XKR4: variants seen among roughly 807,000 people sequenced by gnomAD.
The protein encoded by XKR4 is XK-related protein 4.
XKR4 carries 12 observed loss-of-function variants against 53.9 expected under a neutral mutation model. That is an observed-to-expected ratio of 0.22 (90% CI 0.14 to 0.36). The LOEUF is 0.36. XKR4 is among the 10% of genes least tolerant of loss of function. The probability of loss-of-function intolerance (pLI) is 1.00; values close to 1 mark genes in which losing one functional copy is unlikely to be tolerated. For synonymous variants in XKR4, 354 were observed against 362.4 expected (o/e 0.98, Z 0.26); for missense variants, 799 against 859.5 (o/e 0.93, Z 0.88).
At chr8:55,417,274 C>G (rs1032043972) in intron 2 of XKR4, among the ~76,000 whole-genome samples, 5 of 152,198 alleles carry the variant, frequency 3.3e-5, no homozygotes, top group Admixed American at 6.5e-5. Flanking sequence ...GCCTTACAGC[C>G]CATTCTGCAC....
At chr8:55,247,986 A>G (rs769695280) in intron 1 of XKR4, among the ~76,000 whole-genome samples, 1 of 148,984 alleles carries the variant, frequency 6.7e-6, no homozygotes, top group Admixed American at 6.7e-5. Context: ...CTCCTAAGTA[A>G]CTGGGACTAC....
chr8:55,472,325 A>T (rs1320577672), intron 2 of XKR4, among the ~76,000 whole-genome samples: 1 of 152,176 alleles, frequency 6.6e-6, no homozygotes, highest in Admixed American at 6.5e-5. Flanking sequence ...AATTCTCCAC[A>T]TGCTAGTTCC....
chr8:55,103,004 C>G lies in XKR4; in HGVS notation c.516C>G (p.Ser172Arg). 6.2e-7 allele frequency: 1 copy of G among 1,612,210 alleles called. No homozygotes were observed. Among genetic ancestry groups the G allele is most frequent in the Non-Finnish European group, 8.5e-7 (1 of 1,179,834 alleles). Residue 172 changes from serine to arginine, a missense_variant, in exon 1 of 3, where the codon AGC becomes AGG. Physicochemically the swap from Ser to Arg is moderately radical, Grantham distance 110. Coordinates refer to ENST00000327381, the MANE Select transcript of XKR4 (RefSeq NM_052898.2). ...FSFRWFVHDF[S>R]TEDSATAAAA... ...TCCGCTGGTTTGTGCACGATTTCAG[C>G]ACCGAGGACAGCGCCACGGCCGCTG...
chr8:55,170,788 A>G (rs986489568), intron 1 of XKR4, among the ~76,000 whole-genome samples: 4 of 152,174 alleles, frequency 2.6e-5, no homozygotes, highest in Non-Finnish European at 4.4e-5. Context: ...TAGGCCCCAC[A>G]GTTTGAGTTT....
In XKR4 at chr8:55,536,296, A is replaced by C. The variant is rs1461428302; in HGVS notation, c.*12069A>C. On this transcript the variant is annotated 3_prime_UTR_variant, in exon 3 of 3. Transcript: ENST00000327381. ...CATAGACAAAACCACTGGACCATTG[A>C]TAGCCCTCAAGCTCTGATTCTTCCT... 6.6e-6 allele frequency: 1 copy of C among 152,254 alleles called. No homozygotes were observed. Among genetic ancestry groups the C allele is most frequent in the Non-Finnish European group, 1.5e-5 (1 of 68,042 alleles). The allele number at this position is 152,254 out of a possible 1,614,324, so 9.4% of individuals were successfully genotyped here.
At chr8:55,233,962 C>T (rs963196550) in intron 1 of XKR4, among the ~76,000 whole-genome samples, 2 of 152,168 alleles carry the variant, frequency 1.3e-5, no homozygotes, top group East Asian at 3.9e-4. Context: ...AAATAGGAAC[C>T]CCAGAATACA....
intron 1 of XKR4, among the ~76,000 whole-genome samples, chr8:55,284,400 G>A (rs73682946): frequency 6.6e-6 from 1 of 152,096 alleles, no homozygotes; most frequent in African/African-American, 2.4e-5. Flanking sequence ...CCATGAGATG[G>A]GTGAAATCAT....
chr8:55,468,227 A>G (rs530413132), intron 2 of XKR4, among the ~76,000 whole-genome samples: 3 of 152,224 alleles, frequency 2.0e-5, no homozygotes, highest in East Asian at 3.9e-4. Context: ...TGAATGTATC[A>G]TTCCTCTAAA....
At chr8:55,190,626 G>A (rs1197961248) in intron 1 of XKR4, among the ~76,000 whole-genome samples, 3 of 152,222 alleles carry the variant, frequency 2.0e-5, no homozygotes, top group African/African-American at 7.2e-5. Context: ...CTGCTATGTG[G>A]GCTTAGATAA....
intron 1 of XKR4, among the ~76,000 whole-genome samples, chr8:55,257,622 A>G (rs1818457732): frequency 6.6e-6 from 1 of 152,210 alleles, no homozygotes; most frequent in African/African-American, 2.4e-5. Flanking sequence ...ACTTTTATGC[A>G]AATATATGCA....
At chr8:55,219,693 AT>A (rs961984132) in intron 1 of XKR4, among the ~76,000 whole-genome samples, 23 of 152,182 alleles carry the variant, frequency 1.5e-4, no homozygotes, top group Non-Finnish European at 2.5e-4. Context: ...AGTGAAATAA[AT>A]TTTTTTTAAA....
intron 2 of XKR4, among the ~76,000 whole-genome samples, chr8:55,420,128 G>T (rs916139173): frequency 1.3e-5 from 2 of 151,938 alleles, no homozygotes; most frequent in Non-Finnish European, 2.9e-5. Flanking sequence ...TGGATTTGTT[G>T]CTACTGTCTT....
chr8:55,281,451 G>C (rs62519086), intron 1 of XKR4, among the ~76,000 whole-genome samples: 2 of 151,948 alleles, frequency 1.3e-5, no homozygotes, highest in Non-Finnish European at 2.9e-5. Flanking sequence ...GAAGAGGAGG[G>C]ACTCAAGGTC....
At chr8:55,410,876 C>T (rs995919821) in intron 2 of XKR4, among the ~76,000 whole-genome samples, 1 of 152,182 alleles carries the variant, frequency 6.6e-6, no homozygotes, top group Non-Finnish European at 1.5e-5. Context: ...GTTCCCCAAC[C>T]TGGGCTCCAT....
intron 2 of XKR4, among the ~76,000 whole-genome samples, chr8:55,483,180 A>G (rs1806138377): frequency 6.6e-6 from 1 of 152,160 alleles, no homozygotes; most frequent in Middle Eastern, 3.4e-3. Context: ...AATCTGATCA[A>G]TTTTTTCAGA....
intron 1 of XKR4, among the ~76,000 whole-genome samples, chr8:55,243,144 A>G (rs1031337560): frequency 2.6e-5 from 4 of 152,212 alleles, no homozygotes; most frequent in Non-Finnish European, 4.4e-5. Flanking sequence ...AACATCCTCC[A>G]GAGGAATACA....
intron 1 of XKR4, among the ~76,000 whole-genome samples, chr8:55,347,513 C>A (rs188318427): frequency 2.0e-5 from 3 of 152,130 alleles, no homozygotes; most frequent in Admixed American, 1.3e-4. Flanking sequence ...TCTTGGTGAC[C>A]TTTGTGATGT....
rs542919463 is a variant in XKR4 at position 55,448,247 on chromosome 8, A to T, written c.1007-75034A>T. Among the ~76,000 whole-genome samples, 3 of 152,382 alleles carry T rather than the reference A, an allele frequency of 2.0e-5. No homozygotes were observed. The East Asian group carries it at 5.8e-4, about 29-fold the overall frequency. On this transcript the variant is annotated intron_variant, in intron 2 of 2. Coordinates refer to ENST00000327381, the MANE Select transcript of XKR4 (RefSeq NM_052898.2). ...CATATAAAATAGTCACTGCTCTGGAAAAGAGTGACTCAATAAAGCGCTCTT... is the reference window on the plus strand; with the variant it reads ...CATATAAAATAGTCACTGCTCTGGATAAGAGTGACTCAATAAAGCGCTCTT...
At chr8:55,281,972 G>C (rs1432386165) in intron 1 of XKR4, among the ~76,000 whole-genome samples, 1 of 152,180 alleles carries the variant, frequency 6.6e-6, no homozygotes, top group Admixed American at 6.5e-5. Context: ...TGTGCTTCCT[G>C]CTGGAGCTCG....
Sources: gnomAD v4.1 joint callset for allele counts (sites outside exome capture counted in the v4.1 genomes callset) on GRCh38, gnomAD v4.1.1 for gene constraint, MANE v1.5 for transcripts, NCBI Gene and HGNC (gene_info 2026-07-23, HGNC 2026-07-21) for gene names.